The following GRHPR variants were observed in gnomAD, a reference collection of about 807,000 sequenced individuals.
GRHPR encodes the protein glyoxylate and hydroxypyruvate reductase, also known as glyoxylate reductase/hydroxypyruvate reductase.
Under a neutral mutation model 36.8 loss-of-function variants are expected in GRHPR, and 35 were observed. The ratio of observed to expected loss-of-function variants is 0.95; its 90% CI spans 0.73 to 1.26. GRHPR has a LOEUF of 1.26. GRHPR is among the 50% of genes most tolerant of loss of function. The probability of loss-of-function intolerance (pLI) is 0.00; values close to 1 mark genes in which losing one functional copy is unlikely to be tolerated. For synonymous variants in GRHPR, 179 were observed against 181.0 expected (o/e 0.99, Z 0.09); for missense variants, 380 against 435.0 (o/e 0.87, Z 1.12).
At chr9:37,428,929 G>T in intron 5 of GRHPR, 1 of 395,498 alleles carries the variant, frequency 2.5e-6, no homozygotes, top group Admixed American at 3.5e-5. Flanking sequence ...TTGCGTTCTG[G>T]AAGGTATGTG....
intron 4 of GRHPR, 110 bp downstream of exon 4, chr9:37,426,764 A>G (rs982814947): frequency 2.0e-4 from 145 of 710,522 alleles, no homozygotes; most frequent in Middle Eastern, 1.1e-3. Context: ...TCTGGCCAAC[A>G]TAGTGAAACC....
At chr9:37,434,237 A>C (rs1823523650) in intron 8 of GRHPR, 1 of 406,176 alleles carries the variant, frequency 2.5e-6, no homozygotes, top group Non-Finnish European at 4.3e-6. Flanking sequence ...AAGACCATGC[A>C]GCTCCAAGCA....
intron 1 of GRHPR, among the ~76,000 whole-genome samples, chr9:37,423,471 C>A (rs762771776): frequency 1.3e-5 from 2 of 151,428 alleles, no homozygotes; most frequent in Non-Finnish European, 2.9e-5. Context: ...CCATGACTGG[C>A]CTGAGGACCC....
At chr9:37,434,262 C>G (rs778831420) in intron 8 of GRHPR, 2 of 422,544 alleles carry the variant, frequency 4.7e-6, no homozygotes, top group South Asian at 1.0e-4. Flanking sequence ...AGCTGATGAC[C>G]CCAGTGATCC....
chr9:37,430,038 C>G, intron 6 of GRHPR: 1 of 629,438 alleles, frequency 1.6e-6, no homozygotes, highest in Non-Finnish European at 2.9e-6. Flanking sequence ...CCTCTCCGAG[C>G]CAGCAGAGCA....
chr9:37,422,720 T>G lies in GRHPR; in HGVS notation c.-31T>G. The G allele has an allele frequency of 6.6e-7, 1 of 1,524,988 alleles. No individual in the cohort carries two copies. Among genetic ancestry groups the G allele is most frequent in the Admixed American group, 1.9e-5 (1 of 53,064 alleles). 94.5% of individuals were successfully genotyped at this position (1,524,988 alleles called of 1,614,324 possible). ...TACATTCCCGGGCCAGCTTCTGTAC[T>G]GCCAGGTCCGGGTCGGCGGCTGCAC... On this transcript the variant is annotated 5_prime_UTR_variant, in exon 1 of 9. Transcript: ENST00000318158.
rs1207622008 is a variant in GRHPR at position 37,436,801 on chromosome 9, G to T, written c.*19G>T. The T allele has an allele frequency of 1.2e-6, 2 of 1,613,720 alleles. No individual in the cohort carries two copies. Among genetic ancestry groups the T allele is most frequent in the African/African-American group, 1.3e-5 (1 of 74,916 alleles). On this transcript the variant is annotated 3_prime_UTR_variant, in exon 9 of 9. Transcript: ENST00000318158. ...GCTGTAGCCAAACAGTAGAGATGGA[G>T]GGCCGGGAAGCAAACCGTGCCCTGG...
chr9:37,425,083 C>T (rs996031484), intron 2 of GRHPR, 108 bp downstream of exon 2: 86 of 1,143,442 alleles, frequency 7.5e-5, no homozygotes, highest in South Asian at 9.3e-5. Flanking sequence ...GTTCTGAGGG[C>T]GTTTCCTGCG....
At chr9:37,434,374 G>A (rs17885933) in intron 8 of GRHPR, 56,306 of 488,716 alleles carry the variant, frequency 0.12, 3,933 homozygotes, top group Middle Eastern at 0.17. Flanking sequence ...AACAATTCAA[G>A]CTGGACTTTT....
At chr9:37,428,281 T>A (rs2118871990) in intron 4 of GRHPR, 1 of 616,038 alleles carries the variant, frequency 1.6e-6, no homozygotes, top group South Asian at 1.9e-5. Flanking sequence ...CGCCCTCAAG[T>A]TCTATGTCTC....
downstream of GRHPR, chr9:37,436,991 G>C (rs1278433848): frequency 3.7e-6 from 2 of 540,446 alleles, no homozygotes; most frequent in Non-Finnish European, 6.7e-6. Flanking sequence ...TTCTCTGAGA[G>C]ACCGTCTTGG....
chr9:37,422,982 T>G (rs1822907783), intron 1 of GRHPR, 149 bp downstream of exon 1: 2 of 628,050 alleles, frequency 3.2e-6, no homozygotes, highest in African/African-American at 3.7e-5. Flanking sequence ...AGTTCTCCTC[T>G]TAAGACGACG....
chr9:37,430,306 A>C (rs2118882258), intron 6 of GRHPR: 1 of 643,348 alleles, frequency 1.6e-6, no homozygotes, highest in East Asian at 2.8e-5. Context: ...TGGGCCCTGA[A>C]GGTAGTTAAA....
chr9:37,436,638 CT>C, intron 8 of GRHPR, 22 bp from the exon 9 acceptor site: 2 of 1,533,670 alleles, frequency 1.3e-6, no homozygotes, highest in East Asian at 2.4e-5. Context: ...TTATCTCCCT[CT>C]CTCTCTCTCT....
chr9:37,426,833 C>T (rs1823105636), intron 4 of GRHPR, among the ~76,000 whole-genome samples, 179 bp downstream of exon 4: 1 of 152,088 alleles, frequency 6.6e-6, no homozygotes, highest in African/African-American at 2.4e-5. Flanking sequence ...TCCCTGTAAT[C>T]CCAGCTACTT....
chr9:37,431,202 T>A (rs918642331), intron 7 of GRHPR: 4 of 366,326 alleles, frequency 1.1e-5, no homozygotes, highest in East Asian at 1.5e-4. Flanking sequence ...TGGTGCCCCT[T>A]GAGCCTGTTT....
At chr9:37,431,132 G>C in intron 7 of GRHPR, 1 of 427,860 alleles carries the variant, frequency 2.3e-6, no homozygotes, top group South Asian at 1.8e-5. Flanking sequence ...GTGCCTTCAG[G>C]CCACTGGGCA....
At chr9:37,422,562 T>C, upstream of GRHPR, 3 of 639,332 alleles carry the variant, frequency 4.7e-6, no homozygotes, top group Non-Finnish European at 2.8e-6. Flanking sequence ...TCACTGTTAC[T>C]GTCACTCCCC....
At chr9:37,435,503 T>C (rs925524538) in intron 8 of GRHPR, among the ~76,000 whole-genome samples, 1 of 152,162 alleles carries the variant, frequency 6.6e-6, no homozygotes, top group Non-Finnish European at 1.5e-5. Context: ...TTGGGGTCCA[T>C]GTTCATGCTG....
Sources: gnomAD v4.1 joint callset for allele counts (sites outside exome capture counted in the v4.1 genomes callset) on GRCh38, gnomAD v4.1.1 for gene constraint, MANE v1.5 for transcripts, NCBI Gene and HGNC (gene_info 2026-07-23, HGNC 2026-07-21) for gene names.